Variants in MYRIP observed in about 807,000 individuals in gnomAD.
MYRIP encodes the protein myosin VIIA and Rab interacting protein.
Under a neutral mutation model 98.0 loss-of-function variants are expected in MYRIP, and 49 were observed. The ratio of observed to expected loss-of-function variants is 0.50; its 90% CI spans 0.40 to 0.63. MYRIP has a LOEUF of 0.63. MYRIP is among the 30% of genes least tolerant of loss of function. The pLI, the probability that MYRIP is intolerant of heterozygous loss-of-function variation, is 0.00. For missense variants in MYRIP, 1,004 were observed against 1,058.2 expected (o/e 0.95, Z 0.71); for synonymous variants, 404 against 409.5 (o/e 0.99, Z 0.16).
intron 3 of MYRIP, among the ~76,000 whole-genome samples, chr3:40,136,564 A>C (rs1440655539): frequency 6.6e-6 from 1 of 152,014 alleles, no homozygotes; most frequent in Non-Finnish European, 1.5e-5. Flanking sequence ...TCTCCACCCC[A>C]AATCAACAGA....
chr3:39,825,918 A>G (rs1000665841), intron 1 of MYRIP, among the ~76,000 whole-genome samples: 2 of 152,022 alleles, frequency 1.3e-5, no homozygotes, highest in East Asian at 1.9e-4. Flanking sequence ...GGTAGGTTAT[A>G]TGTGTTTAGG....
rs543750010 is a variant in MYRIP at position 40,099,877 on chromosome 3, G to T, written c.333-51171G>T. Reference sequence around the variant, plus strand: ...CATGTAACATTTCCCCTACAAAGTTGTATTAAACCGGGCAGCTTTAAATGA... The same window carrying T: ...CATGTAACATTTCCCCTACAAAGTTTTATTAAACCGGGCAGCTTTAAATGA... On this transcript the variant is annotated intron_variant, in intron 3 of 16. Transcript: ENST00000302541. The T allele has an allele frequency of 7.0e-6, 4 of 573,606 alleles. No homozygotes were observed. In the East Asian group the frequency reaches 5.8e-4, roughly 83 times the overall value. The allele number at this position is 573,606 out of a possible 1,614,324, so 35.5% of individuals were successfully genotyped here. A position where few individuals can be genotyped will look rare whatever the true frequency, so the allele number is the denominator to read the frequency against.
At chr3:39,836,362 C>A (rs960177939) in intron 1 of MYRIP, among the ~76,000 whole-genome samples, 2 of 152,000 alleles carry the variant, frequency 1.3e-5, no homozygotes, top group African/African-American at 4.8e-5. Flanking sequence ...ACCTTTTTTG[C>A]ATATGTTTTT....
chr3:40,239,018 T>C (rs955476074), intron 12 of MYRIP, among the ~76,000 whole-genome samples: 1 of 151,072 alleles, frequency 6.6e-6, no homozygotes, highest in African/African-American at 2.4e-5. Flanking sequence ...TAACTCGTCA[T>C]CTAGCATTAG....
intron 4 of MYRIP, among the ~76,000 whole-genome samples, chr3:40,151,926 GT>G (rs1950131036): frequency 1.3e-5 from 2 of 152,104 alleles, no homozygotes; most frequent in South Asian, 4.2e-4. Context: ...CTTATTTGGA[GT>G]TTTTTCACCA....
chr3:39,979,627 A>G (rs540119409), intron 2 of MYRIP, among the ~76,000 whole-genome samples: 48 of 150,990 alleles, frequency 3.2e-4, no homozygotes, highest in African/African-American at 9.5e-4. Flanking sequence ...AACAAGAGTG[A>G]AACTACATCT....
At chr3:40,161,296 G>C (rs1950389335) in intron 4 of MYRIP, among the ~76,000 whole-genome samples, 1 of 152,204 alleles carries the variant, frequency 6.6e-6, no homozygotes, top group Admixed American at 6.5e-5. Context: ...AACAGAAAGA[G>C]AGGTGTTGTA....
chr3:40,121,648 G>A (rs916274098), intron 3 of MYRIP, among the ~76,000 whole-genome samples: 6 of 152,120 alleles, frequency 3.9e-5, no homozygotes, highest in Non-Finnish European at 7.3e-5. Context: ...GTGCCCCACT[G>A]GTGCAAACCC....
intron 2 of MYRIP, among the ~76,000 whole-genome samples, chr3:39,997,857 C>G (rs1030476043): frequency 6.6e-6 from 1 of 152,130 alleles, no homozygotes; most frequent in Non-Finnish European, 1.5e-5. Flanking sequence ...GGCTTCATCC[C>G]TGCGATGCAA....
chr3:39,887,240 A>G (rs201804863), intron 1 of MYRIP, among the ~76,000 whole-genome samples: 3,619 of 152,076 alleles, frequency 0.024, 100 homozygotes, highest in East Asian at 0.087. Flanking sequence ...GAAAGCAGGA[A>G]AGATCCAAAA....
intron 2 of MYRIP, among the ~76,000 whole-genome samples, chr3:40,035,670 A>G (rs1009049140): frequency 6.6e-6 from 1 of 152,038 alleles, no homozygotes; most frequent in African/African-American, 2.4e-5. Flanking sequence ...AGGCAGACTT[A>G]AATGGAAACA....
At chr3:39,862,288 A>G (rs1942494747) in intron 1 of MYRIP, among the ~76,000 whole-genome samples, 1 of 152,200 alleles carries the variant, frequency 6.6e-6, no homozygotes, top group Admixed American at 6.5e-5. Flanking sequence ...AGAAAATGTT[A>G]AGAGAATTTA....
intron 1 of MYRIP, among the ~76,000 whole-genome samples, chr3:39,882,979 A>T (rs1943192523): frequency 6.6e-6 from 1 of 152,134 alleles, no homozygotes; most frequent in Admixed American, 6.6e-5. Flanking sequence ...AAAAATAAAA[A>T]ATATGTCTCT....
intron 3 of MYRIP, among the ~76,000 whole-genome samples, chr3:40,048,430 G>A (rs926336047): frequency 6.6e-6 from 1 of 152,090 alleles, no homozygotes; most frequent in Non-Finnish European, 1.5e-5. Context: ...AAAAGGAGTA[G>A]GAATTAAAGG....
intron 3 of MYRIP, among the ~76,000 whole-genome samples, chr3:40,050,404 T>C (rs928714569): frequency 3.3e-5 from 5 of 152,060 alleles, no homozygotes; most frequent in African/African-American, 7.2e-5. Context: ...TGATAGTGCA[T>C]ATGTTTACAG....
At chr3:40,151,846 A>G (rs1322253657) in intron 4 of MYRIP, among the ~76,000 whole-genome samples, 1 of 152,110 alleles carries the variant, frequency 6.6e-6, no homozygotes, top group Non-Finnish European at 1.5e-5. Flanking sequence ...TTTTTTTTTC[A>G]TCACTTGGCT....
chr3:40,117,682 C>T (rs922980682), intron 3 of MYRIP, among the ~76,000 whole-genome samples: 3 of 152,092 alleles, frequency 2.0e-5, no homozygotes, highest in Non-Finnish European at 2.9e-5. Context: ...CCTTAGGATG[C>T]GATGGACATA....
intron 2 of MYRIP, among the ~76,000 whole-genome samples, chr3:39,980,424 G>C (rs900036036): frequency 1.3e-5 from 2 of 152,202 alleles, no homozygotes; most frequent in African/African-American, 4.8e-5. Flanking sequence ...GACAGCAACA[G>C]AGAAAATGAA....
At chr3:40,095,656 C>T (rs1417277345) in intron 3 of MYRIP, among the ~76,000 whole-genome samples, 1 of 152,092 alleles carries the variant, frequency 6.6e-6, no homozygotes, top group African/African-American at 2.4e-5. Flanking sequence ...ACAGCCACCC[C>T]CAATGCAGAG....
Sources: allele counts gnomAD v4.1 joint callset (sites outside exome capture counted in the v4.1 genomes callset), GRCh38; gene constraint gnomAD v4.1.1; transcripts MANE v1.5; gene names NCBI Gene and HGNC (gene_info 2026-07-23, HGNC 2026-07-21).